Variants in PARD3 observed in about 807,000 individuals in gnomAD.
The protein encoded by PARD3 is partitioning defective 3 homolog.
A neutral mutation model predicts 155.4 loss-of-function variants in PARD3; 75 were observed. The ratio of observed to expected loss-of-function variants is 0.48; its 90% CI spans 0.40 to 0.58. PARD3 has a LOEUF of 0.58. Among genes scored for constraint, PARD3 ranks in the 20% least tolerant of loss-of-function variants. The probability of loss-of-function intolerance (pLI) is 0.00; values close to 1 mark genes in which losing one functional copy is unlikely to be tolerated. For missense variants in PARD3, 1,642 were observed against 1,721.7 expected (o/e 0.95, Z 0.82); for synonymous variants, 576 against 610.5 (o/e 0.94, Z 0.83).
At chr10:34,707,869 C>T (rs1474177623) in intron 1 of PARD3, among the ~76,000 whole-genome samples, 1 of 152,202 alleles carries the variant, frequency 6.6e-6, no homozygotes, top group African/African-American at 2.4e-5. Context: ...CCACCTCTCA[C>T]TGCACCTCAC....
chr10:34,441,799 A>G (rs1049372574), intron 5 of PARD3, among the ~76,000 whole-genome samples: 1 of 152,154 alleles, frequency 6.6e-6, no homozygotes, highest in African/African-American at 2.4e-5. Flanking sequence ...TTTAAAAAAT[A>G]ATTTTAACAC....
At chr10:34,329,383 A>G (rs1005952421) in intron 19 of PARD3, among the ~76,000 whole-genome samples, 1 of 152,170 alleles carries the variant, frequency 6.6e-6, no homozygotes, top group Non-Finnish European at 1.5e-5. Context: ...AAGCATAGTA[A>G]TTTTTGATTA....
intron 3 of PARD3, among the ~76,000 whole-genome samples, chr10:34,485,994 G>A (rs1039617176): frequency 7.2e-6 from 1 of 139,432 alleles, no homozygotes; most frequent in African/African-American, 2.8e-5. Flanking sequence ...CACGATCGTA[G>A]ATCACTGCAT....
At chr10:34,725,839 C>T (rs367851612) in intron 1 of PARD3, among the ~76,000 whole-genome samples, 2 of 152,240 alleles carry the variant, frequency 1.3e-5, no homozygotes, top group African/African-American at 4.8e-5. Flanking sequence ...AAGGCAGATA[C>T]TTTACTACAC....
intron 2 of PARD3, among the ~76,000 whole-genome samples, chr10:34,645,736 A>G (rs528041350): frequency 1.1e-4 from 17 of 152,344 alleles, no homozygotes; most frequent in African/African-American, 4.1e-4. Context: ...GCCTGTTCTC[A>G]CTGGGATATT....
chr10:34,121,223 C>T (rs1181208703), intron 23 of PARD3, among the ~76,000 whole-genome samples: 1 of 152,218 alleles, frequency 6.6e-6, no homozygotes, highest in African/African-American at 2.4e-5. Flanking sequence ...TTCTCACTGA[C>T]AATGGTTACC....
At chr10:34,353,709 CAATA>C (rs1197696241) in intron 14 of PARD3, among the ~76,000 whole-genome samples, 1 of 99,348 alleles carries the variant, frequency 1.0e-5, no homozygotes, top group Non-Finnish European at 1.8e-5. Context: ...CAAGAATGAT[CAATA>C]AATAAATAAA....
intron 22 of PARD3, among the ~76,000 whole-genome samples, chr10:34,223,052 GT>G (rs1725139817): frequency 6.6e-6 from 1 of 152,160 alleles, no homozygotes; most frequent in Admixed American, 6.6e-5. Flanking sequence ...TCTGTGTTCG[GT>G]AAGTCCCACA....
At chr10:34,284,095 C>A in intron 21 of PARD3, 40 bp downstream of exon 21, 5 of 1,068,318 alleles carry the variant, frequency 4.7e-6, no homozygotes, top group East Asian at 2.5e-5. Context: ...AAAAAAAGAA[C>A]CTCTTTCTAA....
At chr10:34,744,793 A>G (rs1253928758) in intron 1 of PARD3, among the ~76,000 whole-genome samples, 1 of 152,272 alleles carries the variant, frequency 6.6e-6, no homozygotes, top group Non-Finnish European at 1.5e-5. Flanking sequence ...GCAAAATGCC[A>G]AAATTTTAAA....
rs566942250 is a variant in PARD3, at chr10:34,208,365, G to A, written c.3419+61292C>T. On this transcript the variant is annotated intron_variant, in intron 22 of 24. Coordinates refer to ENST00000374788, the MANE Select transcript of PARD3 (RefSeq NM_001184785.2). ...GGGGCAGCAGAACCAAATTATAGAGGCTTTGCATAACTAGTTATCCAATTG... is the reference window on the plus strand; with the variant it reads ...GGGGCAGCAGAACCAAATTATAGAGACTTTGCATAACTAGTTATCCAATTG... Among the ~76,000 whole-genome samples, 3 of 152,246 alleles carry A rather than the reference G, an allele frequency of 2.0e-5. No individual in the cohort carries two copies. In the East Asian group the frequency reaches 5.8e-4, roughly 29 times the overall value.
chr10:34,513,639 TTTG>T, intron 3 of PARD3, among the ~76,000 whole-genome samples: 1 of 152,326 alleles, frequency 6.6e-6, no homozygotes, highest in Non-Finnish European at 1.5e-5. Context: ...TAATCACATG[TTTG>T]TCTTCTAGTT....
chr10:34,405,930 T>C (rs534838559), intron 5 of PARD3, among the ~76,000 whole-genome samples: 1 of 152,292 alleles, frequency 6.6e-6, no homozygotes, highest in Non-Finnish European at 1.5e-5. Flanking sequence ...TATACCTATC[T>C]TGCTCTACAA....
intron 22 of PARD3, among the ~76,000 whole-genome samples, chr10:34,251,184 A>C (rs971390715): frequency 1.3e-5 from 2 of 152,244 alleles, no homozygotes; most frequent in Non-Finnish European, 2.9e-5. Context: ...CAGTTGTATC[A>C]TGAAATACAA....
chr10:34,764,144 TA>T, intron 1 of PARD3, among the ~76,000 whole-genome samples: 1 of 152,342 alleles, frequency 6.6e-6, no homozygotes, highest in East Asian at 1.9e-4. Context: ...GGTCATATAT[TA>T]TTGCAGCTTT....
chr10:34,488,183 C>T (rs555436286), intron 3 of PARD3, among the ~76,000 whole-genome samples: 4 of 152,328 alleles, frequency 2.6e-5, no homozygotes, highest in Non-Finnish European at 4.4e-5. Flanking sequence ...TGACCATCAA[C>T]AATTACTTCA....
chr10:34,697,818 G>T (rs1413453760), intron 1 of PARD3, among the ~76,000 whole-genome samples: 1 of 146,592 alleles, frequency 6.8e-6, no homozygotes, highest in East Asian at 2.0e-4. Flanking sequence ...TCATTTGTGG[G>T]GCCTATTCTG....
chr10:34,705,672 C>A (rs1451494810), intron 1 of PARD3, among the ~76,000 whole-genome samples: 1 of 152,080 alleles, frequency 6.6e-6, no homozygotes, highest in Non-Finnish European at 1.5e-5. Context: ...TGTATCACCA[C>A]AAGGGAGGGA....
At chr10:34,624,561 G>A (rs1266816423) in intron 2 of PARD3, among the ~76,000 whole-genome samples, 7 of 152,328 alleles carry the variant, frequency 4.6e-5, no homozygotes. Context: ...AGCGGCTGAT[G>A]TAGCCAGTAA....
Sources: allele counts gnomAD v4.1 joint callset (sites outside exome capture counted in the v4.1 genomes callset), GRCh38; gene constraint gnomAD v4.1.1; transcripts MANE v1.5; gene names NCBI Gene and HGNC (gene_info 2026-07-23, HGNC 2026-07-21).